Variants in CFAP54 observed in about 807,000 individuals in gnomAD.
CFAP54 encodes the protein cilia and flagella associated protein 54, also known as cilia- and flagella-associated protein 54.
A neutral mutation model predicts 370.4 loss-of-function variants in CFAP54; 290 were observed. The ratio of observed to expected loss-of-function variants is 0.78; its 90% CI spans 0.71 to 0.86. CFAP54 has a LOEUF of 0.86. CFAP54 is among the 40% of genes least tolerant of loss of function. The pLI, the probability that CFAP54 is intolerant of heterozygous loss-of-function variation, is 0.00. For synonymous variants in CFAP54, 1,206 were observed against 1,236.5 expected (o/e 0.98, Z 0.52); for missense variants, 3,399 against 3,528.7 (o/e 0.96, Z 0.93).
rs1957312021 is a variant in CFAP54 at position 96,685,077 on chromosome 12, A to T, written c.5853A>T (p.Lys1951Asn). 1 of 1,614,076 alleles carries T rather than the reference A, an allele frequency of 6.2e-7. No homozygotes were observed. Among genetic ancestry groups the T allele is most frequent in the Admixed American group, 1.7e-5 (1 of 60,014 alleles). The change falls in exon 42 of 68, where the codon AAA becomes AAT. Residue 1951 changes from lysine (K) to asparagine (N), a missense_variant. By Grantham distance (94) the Lys-to-Asn change is moderately conservative. Transcript: ENST00000524981. ...WCQALDDIFR[K>N]PDVLHTWKEF... is the part of the protein sequence containing the mutation. ...AAGCTCTTGATGACATATTCAGAAA[A>T]CCAGACGTGCTACACACGTGGAAAG... is the stretch of plus-strand genomic sequence containing the variant.
intron 23 of CFAP54, among the ~76,000 whole-genome samples, chr12:96,592,068 C>A (rs1412838614): frequency 6.6e-6 from 1 of 151,956 alleles, no homozygotes; most frequent in African/African-American, 2.4e-5. Context: ...CATCTTTATA[C>A]CTAAGGGTCT....
chr12:96,722,127 G>T (rs532775233), intron 50 of CFAP54, among the ~76,000 whole-genome samples: 55 of 152,218 alleles, frequency 3.6e-4, no homozygotes, highest in African/African-American at 1.3e-3. Context: ...TCTTACCTCA[G>T]TGCCACCCAC....
chr12:96,859,199 C>T (rs1444337470), intron 66 of CFAP54, among the ~76,000 whole-genome samples: 2 of 152,096 alleles, frequency 1.3e-5, no homozygotes, highest in East Asian at 1.9e-4. Flanking sequence ...AGCTGGCTAG[C>T]CATAAGCAGA....
chr12:96,502,508 A>AT (rs1383674272), intron 2 of CFAP54, among the ~76,000 whole-genome samples: 1 of 151,802 alleles, frequency 6.6e-6, no homozygotes, highest in Admixed American at 6.6e-5. Flanking sequence ...CTTGTGGAAA[A>AT]TTTTTTTTAA....
rs537758769 is a variant in CFAP54 at position 96,607,232 on chromosome 12, G to A, written c.3639+8465G>A. Among the ~76,000 whole-genome samples, 17 of 152,054 alleles carry A rather than the reference G, an allele frequency of 1.1e-4. No homozygotes were observed. The South Asian group carries it at 3.1e-3, about 28-fold the overall frequency. ...AGCAGGAAGAAAAAAGCAATTACTC[G>A]CTGAAGGAGACTCCATACTCCAAGG... On this transcript the variant is annotated intron_variant, in intron 26 of 67. Transcript: ENST00000524981.
intron 63 of CFAP54, among the ~76,000 whole-genome samples, chr12:96,804,993 G>A (rs1029252251): frequency 6.6e-6 from 1 of 152,034 alleles, no homozygotes; most frequent in Non-Finnish European, 1.5e-5. Flanking sequence ...ATACACTAAG[G>A]AAAGGACACC....
chr12:96,567,659 G>T (rs767126486), intron 19 of CFAP54, among the ~76,000 whole-genome samples: 8 of 152,028 alleles, frequency 5.3e-5, no homozygotes, highest in Non-Finnish European at 7.4e-5. Flanking sequence ...AGAAATATTG[G>T]TCTTACTACT....
chr12:96,763,911 C>G (rs1958366526), intron 58 of CFAP54, among the ~76,000 whole-genome samples: 1 of 152,130 alleles, frequency 6.6e-6, no homozygotes, highest in African/African-American at 2.4e-5. Context: ...ATAATTTTCT[C>G]TGCTTTTATG....
At chr12:96,624,184 C>T (rs1488160364) in intron 28 of CFAP54, among the ~76,000 whole-genome samples, 2 of 152,104 alleles carry the variant, frequency 1.3e-5, no homozygotes, top group African/African-American at 4.8e-5. Context: ...CATTTTGGGC[C>T]AGGTAGTTCT....
At chr12:96,744,668 CAAA>C (rs538569865) in intron 55 of CFAP54, among the ~76,000 whole-genome samples, 1 of 151,960 alleles carries the variant, frequency 6.6e-6, no homozygotes, top group Non-Finnish European at 1.5e-5. Context: ...TGCCTGTGAA[CAAA>C]AAAATAGTTT....
intron 39 of CFAP54, among the ~76,000 whole-genome samples, chr12:96,675,893 A>T (rs1957200526): frequency 6.6e-6 from 1 of 150,794 alleles, no homozygotes; most frequent in African/African-American, 2.4e-5. Flanking sequence ...AAGGATGAGA[A>T]TACATGGACC....
At chr12:96,654,262 G>A (rs1286326988) in intron 36 of CFAP54, among the ~76,000 whole-genome samples, 1 of 152,178 alleles carries the variant, frequency 6.6e-6, no homozygotes, top group Non-Finnish European at 1.5e-5. Context: ...AGCACTTTGG[G>A]AGGCCGAGGC....
intron 39 of CFAP54, among the ~76,000 whole-genome samples, chr12:96,664,783 A>ATATCTATCTATC (rs1565934522): frequency 2.0e-4 from 3 of 14,810 alleles, no homozygotes; most frequent in South Asian, 1.9e-3. Context: ...ATATCTATAT[A>ATATCTATCTATC]TATATATATA....
intron 60 of CFAP54, among the ~76,000 whole-genome samples, chr12:96,783,966 C>T (rs1411754549): frequency 6.6e-6 from 1 of 152,180 alleles, no homozygotes; most frequent in Non-Finnish European, 1.5e-5. Context: ...GATTCAAGGT[C>T]ACACACTAGT....
chr12:96,557,829 T>C (rs1210140176), intron 17 of CFAP54, among the ~76,000 whole-genome samples: 1 of 151,992 alleles, frequency 6.6e-6, no homozygotes, highest in East Asian at 1.9e-4. Context: ...TTGATAAAAC[T>C]GTATATTAAA....
intron 40 of CFAP54, among the ~76,000 whole-genome samples, chr12:96,680,016 A>G (rs1260487792): frequency 1.3e-5 from 2 of 152,152 alleles, no homozygotes; most frequent in Non-Finnish European, 2.9e-5. Flanking sequence ...TTAATTTTTG[A>G]TTCTGTACAT....
chr12:96,601,510 G>T (rs1433854770), intron 26 of CFAP54, among the ~76,000 whole-genome samples: 1 of 152,160 alleles, frequency 6.6e-6, no homozygotes, highest in Admixed American at 6.5e-5. Context: ...CTATTGATTG[G>T]AATAGTTTCA....
intron 66 of CFAP54, among the ~76,000 whole-genome samples, chr12:96,852,341 T>C (rs1307892627): frequency 6.6e-6 from 1 of 152,094 alleles, no homozygotes; most frequent in Non-Finnish European, 1.5e-5. Flanking sequence ...TCTCTCTTCA[T>C]CTATCTGGAC....
At chr12:96,546,546 T>C (rs1955642230) in intron 14 of CFAP54, among the ~76,000 whole-genome samples, 1 of 152,134 alleles carries the variant, frequency 6.6e-6, no homozygotes, top group South Asian at 2.1e-4. Flanking sequence ...TGTCTATTTC[T>C]GGCCAGGTGC....
Sources: allele counts gnomAD v4.1 joint callset (sites outside exome capture counted in the v4.1 genomes callset), GRCh38; gene constraint gnomAD v4.1.1; transcripts MANE v1.5; gene names NCBI Gene and HGNC (gene_info 2026-07-23, HGNC 2026-07-21).